The following COL5A3 variants were observed in gnomAD, a reference collection of about 807,000 sequenced individuals.
The protein encoded by COL5A3 is collagen type V alpha 3 chain.
Under a neutral mutation model 250.0 loss-of-function variants are expected in COL5A3, and 172 were observed. The observed-to-expected ratio is 0.69, with a 90% confidence interval of 0.61 to 0.78. The LOEUF is 0.78. Ranked by LOEUF, COL5A3 falls within the 30% of genes least tolerant of loss-of-function variation. The pLI, the probability that COL5A3 is intolerant of heterozygous loss-of-function variation, is 0.00. For missense variants in COL5A3, 2,340 were observed against 2,334.4 expected, an observed-to-expected ratio of 1.00 and a Z score of -0.05; for synonymous variants, 937 against 900.4, an observed-to-expected ratio of 1.04 and a Z score of -0.73.
chr19:9,966,849 G>T, intron 62 of COL5A3, 103 bp from the exon 63 acceptor site: 1 of 853,586 alleles, frequency 1.2e-6, no homozygotes, highest in Non-Finnish European at 1.8e-6. Context: ...AGACACAAAT[G>T]AGAAAGAGGA....
intron 65 of COL5A3, 101 bp from the exon 66 acceptor site, chr19:9,960,991 C>A (rs1437322701): frequency 6.9e-7 from 1 of 1,442,692 alleles, no homozygotes; most frequent in East Asian, 2.3e-5. Flanking sequence ...CAAGCCACCC[C>A]CCCCATGTCA....
intron 55 of COL5A3, 21 bp downstream of exon 55, chr19:9,969,848 C>T: frequency 6.2e-7 from 1 of 1,613,634 alleles, no homozygotes; most frequent in South Asian, 1.1e-5. Flanking sequence ...AGGGACCCTT[C>T]CCCTTGCCAG....
intron 6 of COL5A3, among the ~76,000 whole-genome samples, chr19:10,002,847 C>T (rs1018874986): frequency 2.6e-5 from 4 of 152,086 alleles, no homozygotes; most frequent in African/African-American, 4.8e-5. Context: ...ACCCCATCTG[C>T]GACCCCCTGA....
intron 45 of COL5A3, among the ~76,000 whole-genome samples, chr19:9,976,152 G>A (rs2086918844): frequency 6.6e-6 from 1 of 152,086 alleles, no homozygotes; most frequent in Non-Finnish European, 1.5e-5. Context: ...TTGGGTGTTG[G>A]CATTGAGGGG....
intron 32 of COL5A3, 79 bp downstream of exon 32, chr19:9,981,986 C>T (rs533800689): frequency 3.6e-4 from 402 of 1,103,776 alleles, no homozygotes; most frequent in Admixed American, 4.8e-4. Flanking sequence ...CCAGGGTCCA[C>T]CCATCATCAG....
At chr19:9,993,912 G>A in intron 16 of COL5A3, 106 bp from the exon 17 acceptor site, 1 of 998,754 alleles carries the variant, frequency 1.0e-6, no homozygotes, top group Non-Finnish European at 1.5e-6. Context: ...TTTTTTGACA[G>A]GGTCTCCTTC....
chr19:10,007,147 A>C (rs2087455606), intron 1 of COL5A3, among the ~76,000 whole-genome samples: 6 of 108,812 alleles, frequency 5.5e-5, no homozygotes, highest in Non-Finnish European at 5.7e-5. Flanking sequence ...CTCCCCTCTG[A>C]TCTCTCCTCT....
intron 33 of COL5A3, 28 bp downstream of exon 33, chr19:9,981,060 G>A (rs1212138805): frequency 6.2e-7 from 1 of 1,611,638 alleles, no homozygotes; most frequent in Non-Finnish European, 8.5e-7. Context: ...AGTCCCAGCA[G>A]GGTAGGGGGC....
chr19:9,975,664 T>A (rs991468134), intron 45 of COL5A3, among the ~76,000 whole-genome samples: 21 of 151,448 alleles, frequency 1.4e-4, no homozygotes, highest in Non-Finnish European at 4.4e-5. Flanking sequence ...GATTTTGGTA[T>A]TGAGGGAAAG....
In COL5A3 at chr19:9,999,649, G is replaced by T. The variant is rs763281318; in HGVS notation, c.1111-1500C>A. On this transcript the variant is annotated intron_variant, in intron 8 of 66. Coordinates refer to ENST00000264828, the MANE Select transcript of COL5A3 (RefSeq NM_015719.4). ...CCAGCTAATTTTTTTGTATTTTTTA[G>T]TACAGACAGCGTTTCACCATGTTAG... is the stretch of plus-strand genomic sequence containing the variant. 4.0e-5 allele frequency among the ~76,000 whole-genome samples: 6 copies of T among 151,608 alleles called. No homozygotes were observed. In the South Asian group the frequency reaches 1.2e-3, roughly 32 times the overall value.
chr19:9,967,142 G>A (rs1269725257), intron 62 of COL5A3, among the ~76,000 whole-genome samples: 1 of 152,244 alleles, frequency 6.6e-6, no homozygotes, highest in Non-Finnish European at 1.5e-5. Context: ...GAGCCCCCAT[G>A]GGTGTCCCCC....
chr19:9,993,127 C>T (rs1040141375), intron 19 of COL5A3, 60 bp from the exon 20 acceptor site: 1 of 1,565,160 alleles, frequency 6.4e-7, no homozygotes, highest in Non-Finnish European at 8.8e-7. Context: ...AGCCACCTCC[C>T]CTCATCTGGG....
intron 51 of COL5A3, 43 bp downstream of exon 51, chr19:9,972,876 G>T: frequency 1.4e-6 from 2 of 1,414,182 alleles, no homozygotes; most frequent in South Asian, 1.4e-5. Context: ...GTACATTCAA[G>T]TGCCCCCTCC....
chr19:9,965,642 G>C (rs573503749), intron 64 of COL5A3, among the ~76,000 whole-genome samples: 1 of 151,216 alleles, frequency 6.6e-6, no homozygotes, highest in Non-Finnish European at 1.5e-5. Flanking sequence ...TAGTAGAGAC[G>C]GGGTTTCACC....
In COL5A3 at chr19:10,005,900, A is replaced by G. The variant is rs757138603; in HGVS notation, c.333T>C (p.Asp111=). The stretch of plus-strand genomic sequence containing the variant: ...GGCCCAACTGCCGGGCACCCCTTTC[A>G]TCATAAATGGACAGCAGGACAGACT... The part of the protein sequence containing the change: ...ANQSVLLSIY[D]ERGARQLGLA... Residue 111 remains aspartate (D), a synonymous_variant, in exon 3 of 67, where the codon GAT becomes GAC. Coordinates refer to ENST00000264828, the MANE Select transcript of COL5A3 (RefSeq NM_015719.4). The G allele has an allele frequency of 2.4e-5, 39 of 1,613,908 alleles. No individual in the cohort carries two copies. The South Asian group carries it at 4.1e-4, about 17-fold the overall frequency.
chr19:9,968,027 G>A lies in COL5A3; in HGVS notation c.4367C>T (p.Ala1456Val), dbSNP rs199586807. 2.3e-5 allele frequency: 37 copies of A among 1,590,948 alleles called. No individual in the cohort carries two copies. In the Admixed American group the frequency reaches 2.7e-4, roughly 11 times the overall value. ...ACAAAAGATTCCCTGCATACTCACC[G>A]CCACACCTGGGGGCCCAGGGTGGCC... Reference protein sequence around the residue: ...SLGHPGPPGVAGPLGQKGSKG... With the variant: ...SLGHPGPPGVVGPLGQKGSKG... The change falls in exon 60 of 67, where the codon GCG becomes GTG. Residue 1456 changes from alanine (A) to valine (V), a missense_variant and splice_region_variant. Ala to Val is a moderately conservative substitution (Grantham distance 64). This residue lies in a region of COL5A3 where 1,179 missense variants were observed against 1,162.6 expected (regional missense o/e 1.01). Coordinates refer to ENST00000264828, the MANE Select transcript of COL5A3 (RefSeq NM_015719.4). This position sits in a 1 kb window ranked among gnomAD's most constrained non-coding sequence, Gnocchi z 4.1.
intron 44 of COL5A3, 72 bp downstream of exon 44, chr19:9,977,157 A>T: frequency 4.9e-6 from 7 of 1,422,390 alleles, no homozygotes; most frequent in South Asian, 1.2e-5. Context: ...ATGGAGAATG[A>T]TCTCTACATC....
At chr19:9,989,572 G>C in intron 24 of COL5A3, 50 bp from the exon 25 acceptor site, 1 of 1,524,448 alleles carries the variant, frequency 6.6e-7, no homozygotes, top group Non-Finnish European at 8.9e-7. Context: ...CAGAGCCCTG[G>C]AGCACCACTA....
intron 44 of COL5A3, 79 bp downstream of exon 44, chr19:9,977,150 G>A (rs755750090): frequency 2.2e-6 from 3 of 1,391,664 alleles, no homozygotes; most frequent in South Asian, 1.2e-5. Context: ...CTACCCCATG[G>A]AGAATGATCT....
Sources: gnomAD v4.1 joint callset for allele counts (sites outside exome capture counted in the v4.1 genomes callset) on GRCh38, gnomAD v4.1.1 for gene constraint, gnomAD v4.1.1 regional missense constraint, Gnocchi (gnomAD v3.1) non-coding constraint, MANE v1.5 for transcripts, NCBI Gene and HGNC (gene_info 2026-07-23, HGNC 2026-07-21) for gene names.